Variants in COL25A1 observed in about 807,000 individuals in gnomAD.
COL25A1 encodes the protein collagen alpha-1(XXV) chain.
Under a neutral mutation model 128.4 loss-of-function variants are expected in COL25A1, and 103 were observed. The ratio of observed to expected loss-of-function variants is 0.80; its 90% CI spans 0.68 to 0.94. The LOEUF (loss-of-function observed/expected upper bound fraction) is 0.94. COL25A1 is among the 40% of genes least tolerant of loss of function. COL25A1 has a pLI of 0.00. For synonymous variants in COL25A1, 279 were observed against 277.2 expected (o/e 1.01, Z -0.06); for missense variants, 745 against 840.0 (o/e 0.89, Z 1.40).
At chr4:109,029,541 ATTG>A (rs1758635638) in intron 5 of COL25A1, among the ~76,000 whole-genome samples, 1 of 152,106 alleles carries the variant, frequency 6.6e-6, no homozygotes. Flanking sequence ...CTATTTTATT[ATTG>A]TTGTTGTTCA....
chr4:109,240,325 C>T (rs1779814267), intron 3 of COL25A1, among the ~76,000 whole-genome samples: 1 of 151,994 alleles, frequency 6.6e-6, no homozygotes, highest in African/African-American at 2.4e-5. Flanking sequence ...TGTGCCATGA[C>T]ATCACAACAG....
chr4:108,899,268 A>C (rs2125861874), intron 14 of COL25A1, 88 bp from the exon 15 acceptor site: 1 of 1,226,776 alleles, frequency 8.2e-7, no homozygotes, highest in South Asian at 1.4e-5. Context: ...TATTGAACTT[A>C]CTAGGTAAAT....
intron 3 of COL25A1, among the ~76,000 whole-genome samples, chr4:109,111,830 C>T (rs4956070): frequency 0.54 from 81,458 of 151,950 alleles, 23,600 homozygotes; most frequent in Non-Finnish European, 0.68. Flanking sequence ...TATGTTATAT[C>T]CACAATACCA....
rs1199808615 is a variant in COL25A1, at chr4:108,899,196, G to A, written c.835-16C>T. 12 of 1,605,588 alleles carry A rather than the reference G, an allele frequency of 7.5e-6. No individual in the cohort carries two copies. Among genetic ancestry groups the A allele is most frequent in the African/African-American group, 1.3e-5 (1 of 74,768 alleles). On this transcript the variant is annotated splice_polypyrimidine_tract_variant and intron_variant, in intron 14 of 37. Transcript: ENST00000399132. ...CAGGTTCTCCCTGAGCAAAAAGACA[G>A]AGATTGGGTGACATCAAATCATAAA...
intron 3 of COL25A1, among the ~76,000 whole-genome samples, chr4:109,191,566 G>A (rs1476683962): frequency 6.6e-6 from 1 of 152,176 alleles, no homozygotes; most frequent in African/African-American, 2.4e-5. Context: ...TTTCCATAAG[G>A]AGTGCATCCG....
intron 19 of COL25A1, among the ~76,000 whole-genome samples, chr4:108,882,639 C>T (rs1421692135): frequency 6.6e-6 from 1 of 152,016 alleles, no homozygotes; most frequent in African/African-American, 2.4e-5. Flanking sequence ...TATGAAACCA[C>T]CTATTAATTT....
chr4:109,259,754 C>A (rs900081623), intron 3 of COL25A1, among the ~76,000 whole-genome samples: 12 of 152,134 alleles, frequency 7.9e-5, no homozygotes, highest in African/African-American at 4.8e-5. Flanking sequence ...CATAAACAAC[C>A]TTTGATGTGT....
chr4:109,084,276 T>C (rs11732695), intron 3 of COL25A1, among the ~76,000 whole-genome samples: 1 of 152,120 alleles, frequency 6.6e-6, no homozygotes, highest in East Asian at 1.9e-4. Flanking sequence ...GAAAGGGACT[T>C]CCCTAACTAA....
At chr4:109,264,515 G>A (rs1331538852) in intron 3 of COL25A1, among the ~76,000 whole-genome samples, 4 of 152,294 alleles carry the variant, frequency 2.6e-5, no homozygotes, top group South Asian at 2.1e-4. Flanking sequence ...TGAGAAAATC[G>A]GGAGGAAAAC....
At position 108,974,394 on chromosome 4, in the gene COL25A1, C is replaced by G. The variant is rs771068138; in HGVS notation, c.466-1G>C. 3 of 1,613,716 alleles carry G rather than the reference C, an allele frequency of 1.9e-6. No individual in the cohort carries two copies. In the African/African-American group the frequency reaches 4.0e-5, roughly 22 times the overall value. ...TAGGTCCCTGATCACCTTGTTCTCC[C>G]TGTAGAATAGAAAGGTGAGATAACA... On this transcript the variant is annotated splice_acceptor_variant, in intron 7 of 37. Transcript: ENST00000399132. LOFTEE classifies it high-confidence loss of function.
At chr4:108,847,719 T>C (rs1215754685) in intron 27 of COL25A1, among the ~76,000 whole-genome samples, 1 of 152,212 alleles carries the variant, frequency 6.6e-6, no homozygotes, top group African/African-American at 2.4e-5. Flanking sequence ...TTCTAAGTGA[T>C]CTATGATATA....
chr4:109,120,723 C>T (rs572244703), intron 3 of COL25A1, among the ~76,000 whole-genome samples: 1 of 151,690 alleles, frequency 6.6e-6, no homozygotes, highest in Admixed American at 6.6e-5. Context: ...GTGGAAGGAT[C>T]AATTGAGCCA....
chr4:108,895,835 A>G (rs560136248), intron 16 of COL25A1, among the ~76,000 whole-genome samples: 1 of 151,304 alleles, frequency 6.6e-6, no homozygotes, highest in South Asian at 2.1e-4. Context: ...AGCAATGTAC[A>G]CTATTATACC....
intron 6 of COL25A1, among the ~76,000 whole-genome samples, chr4:109,000,853 A>C (rs1755299586): frequency 7.2e-6 from 1 of 139,040 alleles, no homozygotes; most frequent in South Asian, 2.2e-4. Context: ...AGACTTCTTA[A>C]TAGAAGAAGC....
In COL25A1 at chr4:108,809,510, A is replaced by G. The variant is rs1730631537; in HGVS notation, c.*4417T>C. On this transcript the variant is annotated 3_prime_UTR_variant, in exon 38 of 38. Transcript: ENST00000399132. ...TACTTTCTTTGTTAAGTTGTTAATA[A>G]ATCACACATAACGGTTTAGGTTGAA... The G allele has an allele frequency of 7.1e-6, 1 of 140,650 alleles. No homozygotes were observed. Among genetic ancestry groups the G allele is most frequent in the Non-Finnish European group, 1.6e-5 (1 of 62,974 alleles). The allele number at this position is 140,650 out of a possible 1,614,324, so 8.7% of individuals were successfully genotyped here. A position where few individuals can be genotyped will look rare whatever the true frequency, so the allele number is the denominator to read the frequency against.
At chr4:109,113,243 A>G (rs186406078) in intron 3 of COL25A1, among the ~76,000 whole-genome samples, 5 of 152,246 alleles carry the variant, frequency 3.3e-5, no homozygotes, top group Admixed American at 3.3e-4. Flanking sequence ...GATGACAGAA[A>G]CAAATTGTTT....
At chr4:109,179,433 C>T (rs770466039) in intron 3 of COL25A1, among the ~76,000 whole-genome samples, 1 of 152,224 alleles carries the variant, frequency 6.6e-6, no homozygotes, top group Non-Finnish European at 1.5e-5. Context: ...AATATGCATT[C>T]GTGATCCTAA....
rs191206080 is a variant in COL25A1 at position 109,091,476 on chromosome 4, G to A, written c.368-41297C>T. ...TGCATTTCTTTCTGAGATGTCCTAT[G>A]TTGTTGTTTAAACCGTTATTTTCAT... On this transcript the variant is annotated intron_variant, in intron 3 of 37. Transcript: ENST00000399132. 5.0e-4 allele frequency among the ~76,000 whole-genome samples: 76 copies of A among 152,188 alleles called. 2 individuals are homozygous for A. The East Asian group carries it at 0.013, about 26-fold the overall frequency.
chr4:109,291,047 T>C (rs775087116), intron 3 of COL25A1, among the ~76,000 whole-genome samples: 9 of 152,132 alleles, frequency 5.9e-5, no homozygotes, highest in Admixed American at 1.3e-4. Context: ...AAAGAGAAAA[T>C]AAATTGCTCA....
Sources: allele counts gnomAD v4.1 joint callset (sites outside exome capture counted in the v4.1 genomes callset), GRCh38; gene constraint gnomAD v4.1.1; transcripts MANE v1.5; gene names NCBI Gene and HGNC (gene_info 2026-07-23, HGNC 2026-07-21).